Variants in FAF1 observed in about 807,000 individuals in gnomAD.
FAF1 encodes the protein FAS-associated factor 1.
In FAF1, 25 loss-of-function variants were observed where a neutral mutation model predicts 92.5. That is an observed-to-expected ratio of 0.27 (90% CI 0.20 to 0.38). FAF1 has a LOEUF of 0.38. Ranked by LOEUF, FAF1 falls within the 10% of genes least tolerant of loss-of-function variation. The pLI, the probability that FAF1 is intolerant of heterozygous loss-of-function variation, is 1.00. For synonymous variants in FAF1, 234 were observed against 273.2 expected (o/e 0.86, Z 1.42); for missense variants, 636 against 793.3 (o/e 0.80, Z 2.38).
At chr1:50,870,436 G>A (rs2124679414) in intron 1 of FAF1, among the ~76,000 whole-genome samples, 1 of 152,334 alleles carries the variant, frequency 6.6e-6, no homozygotes, top group African/African-American at 2.4e-5. Flanking sequence ...CCGCCTGGGT[G>A]ACAGGGCAAG....
chr1:50,586,306 G>C (rs1375747159), intron 9 of FAF1, among the ~76,000 whole-genome samples: 1 of 152,124 alleles, frequency 6.6e-6, no homozygotes, highest in African/African-American at 2.4e-5. Flanking sequence ...TTTCTTCCTT[G>C]TATCTGTTGA....
At chr1:50,751,608 C>T (rs1178034894) in intron 4 of FAF1, among the ~76,000 whole-genome samples, 1 of 152,184 alleles carries the variant, frequency 6.6e-6, no homozygotes, top group Non-Finnish European at 1.5e-5. Context: ...TCCCAAAGTG[C>T]TGGGATTACA....
intron 18 of FAF1, among the ~76,000 whole-genome samples, chr1:50,447,716 G>A (rs80315981): frequency 0.011 from 1,695 of 152,234 alleles, 24 homozygotes; most frequent in Non-Finnish European, 0.016. Context: ...TACCTCTTAC[G>A]CCAATGTCAA....
Position 50,685,000 on chromosome 1 carries a change from G to A in FAF1, c.657+20786C>T, listed in dbSNP as rs142493892. ...GTGGTATTTCAAGGCTAACTCAGGA[G>A]ATAAGGAGAGGTTATCTTCATATAC... is the stretch of plus-strand genomic sequence containing the variant. On this transcript the variant is annotated intron_variant, in intron 7 of 18. Coordinates refer to ENST00000396153, the MANE Select transcript of FAF1 (RefSeq NM_007051.3). Among the ~76,000 whole-genome samples, 1,284 of 152,272 alleles carry A rather than the reference G, an allele frequency of 8.4e-3. 13 individuals carry two copies. Among genetic ancestry groups the A allele is most frequent in the Admixed American group, 0.016 (244 of 15,296 alleles).
At chr1:50,740,900 T>C (rs1338692049) in intron 5 of FAF1, among the ~76,000 whole-genome samples, 1 of 152,188 alleles carries the variant, frequency 6.6e-6, no homozygotes, top group Non-Finnish European at 1.5e-5. Context: ...TTGTGAATTA[T>C]TGGTAAATGC....
rs571370891 is a variant in FAF1 at position 50,822,399 on chromosome 1, T to G, written c.115-20722A>C. Among the ~76,000 whole-genome samples the G allele has an allele frequency of 1.9e-4, 29 of 152,242 alleles. No individual in the cohort carries two copies. The South Asian group carries it at 5.6e-3, about 29-fold the overall frequency. On this transcript the variant is annotated intron_variant, in intron 2 of 18. Transcript: ENST00000396153. The stretch of plus-strand genomic sequence containing the variant: ...TTAACATCTATGAGTGAAAACCAAA[T>G]AGCAGACTGGAAAAACTACAGGGCT...
At chr1:50,761,102 T>C (rs1660307814) in intron 4 of FAF1, among the ~76,000 whole-genome samples, 1 of 152,118 alleles carries the variant, frequency 6.6e-6, no homozygotes, top group Non-Finnish European at 1.5e-5. Flanking sequence ...AATGGATAAA[T>C]TCCTCAACAC....
intron 8 of FAF1, among the ~76,000 whole-genome samples, chr1:50,608,953 A>C (rs1652563486): frequency 6.6e-6 from 1 of 151,872 alleles, no homozygotes; most frequent in African/African-American, 2.4e-5. Flanking sequence ...TGTGTATCTG[A>C]ATCTGTCTAT....
chr1:50,936,709 G>A (rs1215942368), intron 1 of FAF1, among the ~76,000 whole-genome samples: 3 of 152,144 alleles, frequency 2.0e-5, no homozygotes, highest in East Asian at 3.8e-4. Context: ...GAAAACCAAG[G>A]AAAGGATGAT....
chr1:50,561,797 C>T (rs1376950139), intron 13 of FAF1, among the ~76,000 whole-genome samples: 1 of 151,874 alleles, frequency 6.6e-6, no homozygotes, highest in Admixed American at 6.6e-5. Context: ...CGCACTCCAG[C>T]CTGGGTGACA....
intron 18 of FAF1, chr1:50,451,987 G>A (rs1028995178): frequency 6.7e-6 from 8 of 1,188,258 alleles, no homozygotes; most frequent in African/African-American, 6.4e-5. Flanking sequence ...ATCCTTGATG[G>A]TGGCTTTGGT....
At chr1:50,530,597 T>C (rs1178181003) in intron 15 of FAF1, among the ~76,000 whole-genome samples, 4 of 152,148 alleles carry the variant, frequency 2.6e-5, no homozygotes, top group Non-Finnish European at 5.9e-5. Context: ...CTACAGTCAA[T>C]GATAACTTAA....
At chr1:50,496,968 G>C (rs1646906807) in intron 15 of FAF1, among the ~76,000 whole-genome samples, 1 of 151,990 alleles carries the variant, frequency 6.6e-6, no homozygotes, top group Non-Finnish European at 1.5e-5. Flanking sequence ...AATGAGGTGT[G>C]GGGGTGAGGT....
At chr1:50,787,597 G>C (rs1391113381) in intron 4 of FAF1, among the ~76,000 whole-genome samples, 4 of 152,136 alleles carry the variant, frequency 2.6e-5, no homozygotes, top group Non-Finnish European at 5.9e-5. Context: ...ATAAATTTCT[G>C]TTCCTTATAA....
chr1:50,611,525 G>T (rs560060424), intron 8 of FAF1, among the ~76,000 whole-genome samples: 3 of 152,144 alleles, frequency 2.0e-5, no homozygotes, highest in Non-Finnish European at 4.4e-5. Context: ...TACTTTCTGC[G>T]GATAGCAGAT....
chr1:50,906,455 T>A (rs1191627392), intron 1 of FAF1, among the ~76,000 whole-genome samples: 1 of 152,204 alleles, frequency 6.6e-6, no homozygotes, highest in African/African-American at 2.4e-5. Context: ...ATTGAATCTA[T>A]AAATTATCTT....
At chr1:50,524,642 G>T (rs1298636782) in intron 15 of FAF1, among the ~76,000 whole-genome samples, 1 of 152,110 alleles carries the variant, frequency 6.6e-6, no homozygotes, top group African/African-American at 2.4e-5. Flanking sequence ...TGAATAGGGA[G>T]TCCTTAACCC....
intron 6 of FAF1, among the ~76,000 whole-genome samples, chr1:50,727,780 C>A (rs1569845374): frequency 6.6e-6 from 1 of 152,182 alleles, no homozygotes; most frequent in East Asian, 1.9e-4. Flanking sequence ...CCTGCCAGTG[C>A]AGCTAGAATA....
chr1:50,516,530 C>T (rs373628659), intron 15 of FAF1, among the ~76,000 whole-genome samples: 29 of 152,278 alleles, frequency 1.9e-4, no homozygotes, highest in African/African-American at 6.3e-4. Context: ...ACCAACTAAA[C>T]TATATTCAGT....
Sources: gnomAD v4.1 joint callset for allele counts (sites outside exome capture counted in the v4.1 genomes callset) on GRCh38, gnomAD v4.1.1 for gene constraint, MANE v1.5 for transcripts, NCBI Gene and HGNC (gene_info 2026-07-23, HGNC 2026-07-21) for gene names.